OSBPL10: variants seen among roughly 807,000 people sequenced by gnomAD.
OSBPL10 encodes oxysterol-binding protein-related protein 10.
In OSBPL10, 49 loss-of-function variants were observed where a neutral mutation model predicts 81.7. The observed-to-expected ratio is 0.60, with a 90% confidence interval of 0.48 to 0.76. OSBPL10 has a LOEUF of 0.76. Among genes scored for constraint, OSBPL10 ranks in the 30% least tolerant of loss-of-function variants. OSBPL10 has a pLI of 0.00. For missense variants in OSBPL10, 923 were observed against 987.8 expected (o/e 0.93, Z 0.88); for synonymous variants, 419 against 383.6 (o/e 1.09, Z -1.08).
At chr3:31,981,394 C>T, upstream of OSBPL10, 1 of 776,340 alleles carries the variant, frequency 1.3e-6, no homozygotes, top group Non-Finnish European at 1.7e-6. The surrounding 1 kb of genome is among the most constrained non-coding windows in gnomAD (Gnocchi z 4.5). Context: ...CGCCCCTCCT[C>T]CCGCCGCGGC....
chr3:31,766,336 T>TG (rs1698196943), intron 4 of OSBPL10, among the ~76,000 whole-genome samples: 1 of 19,398 alleles, frequency 5.2e-5, no homozygotes, highest in African/African-American at 1.0e-4. Flanking sequence ...TTTGTTTTTT[T>TG]GTTTTTTTTT....
chr3:31,897,017 T>C (rs1285218855), intron 1 of OSBPL10, among the ~76,000 whole-genome samples: 1 of 151,918 alleles, frequency 6.6e-6, no homozygotes, highest in Non-Finnish European at 1.5e-5. Flanking sequence ...CACAAAGCAC[T>C]AAAAGGTCCA....
At chr3:31,735,391 G>T (rs36106134) in intron 5 of OSBPL10, among the ~76,000 whole-genome samples, 62,895 of 151,536 alleles carry the variant, frequency 0.42, 13,348 homozygotes, top group East Asian at 0.64. Flanking sequence ...AGTAAGCGGT[G>T]ATTGCACCAC....
At chr3:31,811,788 T>C (rs768484949) in intron 4 of OSBPL10, among the ~76,000 whole-genome samples, 54 of 152,052 alleles carry the variant, frequency 3.6e-4, no homozygotes, top group Non-Finnish European at 5.1e-4. Context: ...GTGGTAACAG[T>C]AGTTGCCCAT....
intron 8 of OSBPL10, 90 bp downstream of exon 8, chr3:31,683,544 A>G: frequency 1.3e-6 from 2 of 1,506,602 alleles, no homozygotes; most frequent in Admixed American, 2.1e-5. Flanking sequence ...AACAACAACA[A>G]AAAACTCCAC....
chr3:31,976,644 A>G (rs1271493568), intron 1 of OSBPL10, among the ~76,000 whole-genome samples: 1 of 152,096 alleles, frequency 6.6e-6, no homozygotes, highest in Non-Finnish European at 1.5e-5. Context: ...TTTTGTGGAG[A>G]CAGGGTTTCA....
chr3:31,881,029 G>GC (rs749560637), intron 1 of OSBPL10, among the ~76,000 whole-genome samples: 5 of 152,156 alleles, frequency 3.3e-5, no homozygotes, highest in Non-Finnish European at 5.9e-5. Flanking sequence ...TACTCCCCCT[G>GC]CCTGGAATAT....
At chr3:31,776,780 G>C (rs1479761547) in intron 4 of OSBPL10, among the ~76,000 whole-genome samples, 4 of 152,122 alleles carry the variant, frequency 2.6e-5, no homozygotes, top group East Asian at 3.9e-4. Flanking sequence ...CCCAGGGCTG[G>C]GGGGAGGAGG....
chr3:31,677,688 C>T (rs1055758611), intron 8 of OSBPL10, among the ~76,000 whole-genome samples: 6 of 152,194 alleles, frequency 3.9e-5, no homozygotes, highest in Non-Finnish European at 7.3e-5. Flanking sequence ...TCAAGGGCTC[C>T]AGCCTCTGCC....
intron 6 of OSBPL10, among the ~76,000 whole-genome samples, chr3:31,720,774 C>T (rs1696615259): frequency 6.6e-6 from 1 of 150,482 alleles, no homozygotes; most frequent in Non-Finnish European, 1.5e-5. Flanking sequence ...GTGGTGGGTG[C>T]CTGTAATCCT....
At chr3:31,835,721 C>G (rs142994584) in intron 3 of OSBPL10, among the ~76,000 whole-genome samples, 2 of 152,262 alleles carry the variant, frequency 1.3e-5, no homozygotes, top group South Asian at 4.1e-4. Context: ...ATTTAACCAA[C>G]TAAAATCATT....
intron 7 of OSBPL10, among the ~76,000 whole-genome samples, chr3:31,685,619 G>A (rs370231875): frequency 4.6e-5 from 7 of 152,146 alleles, no homozygotes; most frequent in Non-Finnish European, 8.8e-5. Flanking sequence ...GGAACACACC[G>A]GGTTCCAGCG....
chr3:31,872,586 A>G (rs1701358100), intron 3 of OSBPL10, among the ~76,000 whole-genome samples: 1 of 151,006 alleles, frequency 6.6e-6, no homozygotes, highest in Non-Finnish European at 1.5e-5. Context: ...AGAATCAACT[A>G]CTGATACACA....
upstream of OSBPL10, among the ~76,000 whole-genome samples, chr3:31,982,936 C>T (rs545887306): frequency 6.6e-6 from 1 of 152,336 alleles, no homozygotes; most frequent in East Asian, 1.9e-4. Flanking sequence ...ATGAATGCCC[C>T]TTCCAAACAT....
chr3:31,902,017 G>A (rs1696256819), intron 1 of OSBPL10, among the ~76,000 whole-genome samples: 1 of 152,092 alleles, frequency 6.6e-6, no homozygotes, highest in African/African-American at 2.4e-5. Flanking sequence ...GCAACAGTGA[G>A]GCTCTGTCTC....
intron 5 of OSBPL10, among the ~76,000 whole-genome samples, chr3:31,744,723 T>G (rs1418382865): frequency 6.6e-6 from 1 of 151,224 alleles, no homozygotes; most frequent in African/African-American, 2.4e-5. Context: ...ACCTCTGAAA[T>G]GCATCCATTT....
chr3:31,762,498 G>A (rs374945782), intron 4 of OSBPL10, among the ~76,000 whole-genome samples: 1 of 151,956 alleles, frequency 6.6e-6, no homozygotes, highest in East Asian at 1.9e-4. Context: ...TTCGAGACAG[G>A]GTCTTGCTCT....
At chr3:31,955,146 G>A (rs576374445) in intron 1 of OSBPL10, among the ~76,000 whole-genome samples, 30 of 152,342 alleles carry the variant, frequency 2.0e-4, no homozygotes, top group South Asian at 4.1e-4. Context: ...TTAATGCAGC[G>A]TGAGCTGCTC....
At chr3:31,863,156 C>G (rs1378643583) in intron 3 of OSBPL10, among the ~76,000 whole-genome samples, 1 of 152,072 alleles carries the variant, frequency 6.6e-6, no homozygotes, top group Non-Finnish European at 1.5e-5. Flanking sequence ...GAAAAAAAGC[C>G]AGACACAAAG....
Sources: gnomAD v4.1 joint callset for allele counts (sites outside exome capture counted in the v4.1 genomes callset) on GRCh38, gnomAD v4.1.1 for gene constraint, Gnocchi (gnomAD v3.1) non-coding constraint, MANE v1.5 for transcripts, NCBI Gene and HGNC (gene_info 2026-07-23, HGNC 2026-07-21) for gene names.